The following SLC22A3 variants were observed in gnomAD, a reference collection of about 807,000 sequenced individuals.
SLC22A3 encodes the protein solute carrier family 22 member 3, also known as EMT organic cation transporter 3.
In SLC22A3, 51 loss-of-function variants were observed where a neutral mutation model predicts 59.1. That is an observed-to-expected ratio of 0.86 (90% CI 0.69 to 1.09). The LOEUF (loss-of-function observed/expected upper bound fraction) is 1.09, where lower values mean the gene tolerates loss of function less well. SLC22A3 is among the 50% of genes least tolerant of loss of function. SLC22A3 has a pLI of 0.00. For synonymous variants in SLC22A3, 325 were observed against 292.0 expected (o/e 1.11, Z -1.15); for missense variants, 711 against 726.3 (o/e 0.98, Z 0.24).
intron 5 of SLC22A3, among the ~76,000 whole-genome samples, chr6:160,416,348 G>C (rs1787490963): frequency 6.6e-6 from 1 of 152,142 alleles, no homozygotes; most frequent in Non-Finnish European, 1.5e-5. Flanking sequence ...ATCAGTGGAT[G>C]GGTAGAATTT....
chr6:160,399,412 G>GT (rs144092134), intron 2 of SLC22A3, among the ~76,000 whole-genome samples: 3 of 151,778 alleles, frequency 2.0e-5, no homozygotes, highest in East Asian at 3.9e-4. Context: ...CTTCATCTGT[G>GT]TTTTTTTTCT....
intron 5 of SLC22A3, chr6:160,426,112 A>G (rs1787941825): frequency 1.0e-6 from 1 of 985,438 alleles, no homozygotes; most frequent in Non-Finnish European, 1.2e-6. Context: ...TCATTACATG[A>G]TTGTGATCTT....
intron 5 of SLC22A3, among the ~76,000 whole-genome samples, chr6:160,427,915 G>A (rs191497218): frequency 2.8e-3 from 419 of 152,248 alleles, no homozygotes; most frequent in South Asian, 5.6e-3. Context: ...ATGACTGTTG[G>A]CATAGATGCT....
intron 9 of SLC22A3, among the ~76,000 whole-genome samples, chr6:160,445,616 G>A (rs939367551): frequency 6.6e-6 from 1 of 152,224 alleles, no homozygotes; most frequent in African/African-American, 2.4e-5. Context: ...TCATCATCAG[G>A]AGATCACAGT....
chr6:160,363,769 A>G (rs1010907401), intron 1 of SLC22A3, among the ~76,000 whole-genome samples: 2 of 151,960 alleles, frequency 1.3e-5, no homozygotes, highest in Non-Finnish European at 2.9e-5. Flanking sequence ...TTACTTAGAC[A>G]TGTCCCTGCC....
At chr6:160,423,714 C>A (rs919534498) in intron 5 of SLC22A3, among the ~76,000 whole-genome samples, 2 of 152,104 alleles carry the variant, frequency 1.3e-5, no homozygotes, top group African/African-American at 4.8e-5. Context: ...GTAGATTCTG[C>A]ATATTAGCCC....
At chr6:160,352,286 C>G (rs1784687490) in intron 1 of SLC22A3, among the ~76,000 whole-genome samples, 1 of 152,216 alleles carries the variant, frequency 6.6e-6, no homozygotes, top group Non-Finnish European at 1.5e-5. Context: ...GTCTCCTGCT[C>G]AAGGCAAGGC....
At chr6:160,351,073 A>G (rs775845528) in intron 1 of SLC22A3, among the ~76,000 whole-genome samples, 2 of 152,220 alleles carry the variant, frequency 1.3e-5, no homozygotes, top group Non-Finnish European at 2.9e-5. Flanking sequence ...TAAAGCCCCA[A>G]AAAAGTTTTT....
At chr6:160,413,633 A>C (rs1787347394) in intron 5 of SLC22A3, among the ~76,000 whole-genome samples, 1 of 152,228 alleles carries the variant, frequency 6.6e-6, no homozygotes, top group Non-Finnish European at 1.5e-5. Flanking sequence ...CTGAAGGAGG[A>C]GCAAGAACTA....
intron 1 of SLC22A3, among the ~76,000 whole-genome samples, chr6:160,361,902 G>C (rs9364552): frequency 0.47 from 72,090 of 152,064 alleles, 17,426 homozygotes; most frequent in South Asian, 0.63. Context: ...GTGTGTCTGG[G>C]GAGCTTTCCC....
At chr6:160,375,152 CTTT>C (rs1158660545) in intron 1 of SLC22A3, among the ~76,000 whole-genome samples, 1 of 152,160 alleles carries the variant, frequency 6.6e-6, no homozygotes, top group African/African-American at 2.4e-5. Context: ...CTTTGCTCCT[CTTT>C]TTCCTGAAAG....
chr6:160,349,173 C>A, intron 1 of SLC22A3: 1 of 707,650 alleles, frequency 1.4e-6, no homozygotes, highest in South Asian at 6.3e-5. Flanking sequence ...GCACCGCGTT[C>A]CTTATCTTTG....
In SLC22A3 at chr6:160,413,492, T is replaced by G. The variant is rs1208444130; in HGVS notation, c.975+2646T>G. Among the ~76,000 whole-genome samples, 4 of 152,374 alleles carry G rather than the reference T, an allele frequency of 2.6e-5. No individual in the cohort carries two copies. The East Asian group carries it at 7.7e-4, about 29-fold the overall frequency. On this transcript the variant is annotated intron_variant, in intron 5 of 10. Transcript: ENST00000275300. Reference sequence around the variant, plus strand: ...GATCAATCTTAGTTTTTCTATACTCTGCCTAGTTTCCCTATCCACTGAGTA... The same window carrying G: ...GATCAATCTTAGTTTTTCTATACTCGGCCTAGTTTCCCTATCCACTGAGTA...
At chr6:160,427,575 A>G (rs1788009419) in intron 5 of SLC22A3, among the ~76,000 whole-genome samples, 1 of 152,212 alleles carries the variant, frequency 6.6e-6, no homozygotes, top group Non-Finnish European at 1.5e-5. Context: ...TGATGAGCTC[A>G]TATGTTATTG....
chr6:160,413,769 A>G (rs1202177576), intron 5 of SLC22A3, among the ~76,000 whole-genome samples: 1 of 152,208 alleles, frequency 6.6e-6, no homozygotes, highest in Non-Finnish European at 1.5e-5. Flanking sequence ...ACTAATATCA[A>G]TGTCATTGTC....
At chr6:160,352,222 AAGTC>A (rs571218040) in intron 1 of SLC22A3, among the ~76,000 whole-genome samples, 108 of 152,346 alleles carry the variant, frequency 7.1e-4, no homozygotes, top group Non-Finnish European at 6.2e-4. Flanking sequence ...CTAAGACACT[AAGTC>A]AGAAATCAAT....
intron 5 of SLC22A3, among the ~76,000 whole-genome samples, chr6:160,430,354 CTT>C (rs979811264): frequency 6.6e-6 from 1 of 152,066 alleles, no homozygotes; most frequent in Non-Finnish European, 1.5e-5. Context: ...CCCTGACTGT[CTT>C]TTTTCTGACC....
intron 2 of SLC22A3, among the ~76,000 whole-genome samples, chr6:160,400,984 G>GAAAAAAAAAAAAAAAAAAAAAAC (rs1786755708): frequency 2.5e-5 from 2 of 78,558 alleles, no homozygotes; most frequent in Non-Finnish European, 4.7e-5. Context: ...CTCCAAAACT[G>GAAAAAAAAAAAAAAAAAAAAAAC]AAAAAAAAAA....
chr6:160,367,928 C>A (rs1012618996), intron 1 of SLC22A3, among the ~76,000 whole-genome samples: 1 of 152,166 alleles, frequency 6.6e-6, no homozygotes, highest in Admixed American at 6.5e-5. Context: ...GGTCTCTGGC[C>A]CAGTTCTTCA....
Sources: allele counts gnomAD v4.1 joint callset (sites outside exome capture counted in the v4.1 genomes callset), GRCh38; gene constraint gnomAD v4.1.1; transcripts MANE v1.5; gene names NCBI Gene and HGNC (gene_info 2026-07-23, HGNC 2026-07-21).